Variants in NEK10 observed in about 807,000 individuals in gnomAD.
NEK10 encodes the protein serine/threonine-protein kinase Nek10.
Under a neutral mutation model 159.8 loss-of-function variants are expected in NEK10, and 122 were observed. The observed-to-expected ratio is 0.76, with a 90% CI of 0.66 to 0.89. The LOEUF (loss-of-function observed/expected upper bound fraction) is 0.89, where lower values mean the gene tolerates loss of function less well. Among genes scored for constraint, NEK10 ranks in the 40% least tolerant of loss-of-function variants. The pLI is 0.00. For missense variants in NEK10, 1,342 were observed against 1,323.1 expected, an observed-to-expected ratio of 1.01 and a Z score of -0.22; for synonymous variants, 466 against 457.1, an observed-to-expected ratio of 1.02 and a Z score of -0.25.
intron 23 of NEK10, among the ~76,000 whole-genome samples, chr3:27,228,411 T>A (rs569899748): frequency 6.6e-6 from 1 of 152,288 alleles, no homozygotes; most frequent in East Asian, 1.9e-4. Flanking sequence ...TGGCCCTATT[T>A]TCTCAGTGGT....
At position 27,109,094 on chromosome 3, in the gene NEK10, A is replaced by C. The variant is rs540236879; in HGVS notation, c.*2178T>G. ...CCTATCACCTAAAAGAGTTACATGC[A>C]ATGGCTGGGCACAGTGGCTCACGCC... On this transcript the variant is annotated 3_prime_UTR_variant, in exon 36 of 36. Coordinates refer to ENST00000691995, the MANE Select transcript of NEK10 (RefSeq NM_001394966.1). Among the ~76,000 whole-genome samples the C allele has an allele frequency of 2.2e-4, 33 of 152,178 alleles. No homozygotes were observed. Among genetic ancestry groups the C allele is most frequent in the Non-Finnish European group, 3.8e-4 (26 of 68,018 alleles).
intron 26 of NEK10, among the ~76,000 whole-genome samples, chr3:27,184,473 G>A (rs1314821829): frequency 1.3e-5 from 2 of 152,202 alleles, no homozygotes; most frequent in African/African-American, 4.8e-5. Flanking sequence ...TCTAACTCTT[G>A]TTTGGGGTGG....
Position 27,109,550 on chromosome 3 carries a change from C to T in NEK10, c.*1722G>A, listed in dbSNP as rs926990286. On this transcript the variant is annotated 3_prime_UTR_variant, in exon 36 of 36. Coordinates refer to ENST00000691995, the MANE Select transcript of NEK10 (RefSeq NM_001394966.1). ...CTAAATTCTGTTTACTATATACTAC[C>T]ATTTGGGAAATAACTTGATTTCAAA... Among the ~76,000 whole-genome samples, 4 of 152,240 alleles carry T rather than the reference C, an allele frequency of 2.6e-5. No individual in the cohort carries two copies. Among genetic ancestry groups the T allele is most frequent in the Admixed American group, 1.3e-4 (2 of 15,288 alleles).
chr3:27,215,127 A>T (rs984137729), intron 23 of NEK10: 2 of 390,188 alleles, frequency 5.1e-6, no homozygotes, highest in African/African-American at 4.1e-5. Context: ...GAAAACTTCC[A>T]TAGTTTCGGC....
intron 22 of NEK10, among the ~76,000 whole-genome samples, chr3:27,262,866 T>G (rs1479374227): frequency 6.6e-6 from 1 of 152,234 alleles, no homozygotes; most frequent in African/African-American, 2.4e-5. Context: ...TTTGTTCCAT[T>G]GCTGGTGAGG....
chr3:27,240,198 T>A (rs7626869), intron 23 of NEK10, among the ~76,000 whole-genome samples: 39,155 of 152,094 alleles, frequency 0.26, 5,201 homozygotes, highest in Middle Eastern at 0.38. Flanking sequence ...TCAAATGATT[T>A]TCCAGCATTG....
intron 32 of NEK10, among the ~76,000 whole-genome samples, chr3:27,129,893 T>A (rs1473970596): frequency 1.3e-5 from 2 of 152,106 alleles, no homozygotes; most frequent in African/African-American, 2.4e-5. Flanking sequence ...AGAAAGGTTT[T>A]TTTTTTTTGT....
intron 13 of NEK10, among the ~76,000 whole-genome samples, chr3:27,300,872 G>A (rs1292019127): frequency 6.6e-6 from 1 of 152,178 alleles, no homozygotes; most frequent in Non-Finnish European, 1.5e-5. Context: ...GAGCTCCTAT[G>A]TCCTTGTTTT....
At chr3:27,210,730 C>G (rs924991828) in intron 23 of NEK10, among the ~76,000 whole-genome samples, 1 of 152,182 alleles carries the variant, frequency 6.6e-6, no homozygotes, top group Non-Finnish European at 1.5e-5. Flanking sequence ...ATCAATCTGT[C>G]TATTATGCAT....
At chr3:27,179,973 C>G (rs181640917) in intron 26 of NEK10, among the ~76,000 whole-genome samples, 1 of 151,838 alleles carries the variant, frequency 6.6e-6, no homozygotes, top group Non-Finnish European at 1.5e-5. Context: ...CCCAGGTACT[C>G]GCAAGGCTGA....
intron 5 of NEK10, among the ~76,000 whole-genome samples, chr3:27,336,593 C>A (rs2046818395): frequency 6.6e-6 from 1 of 152,058 alleles, no homozygotes; most frequent in Non-Finnish European, 1.5e-5. Context: ...ATGTAAAAAT[C>A]CTCAACAAAG....
chr3:27,284,084 A>G (rs1298745003), intron 22 of NEK10, among the ~76,000 whole-genome samples: 1 of 152,194 alleles, frequency 6.6e-6, no homozygotes, highest in African/African-American at 2.4e-5. Flanking sequence ...GGATGTCTAA[A>G]TTAAAATTTA....
At chr3:27,180,188 G>T (rs1947929824) in intron 26 of NEK10, among the ~76,000 whole-genome samples, 1 of 152,086 alleles carries the variant, frequency 6.6e-6, no homozygotes, top group Non-Finnish European at 1.5e-5. Context: ...TTGAGGTCAG[G>T]AGTTTGAGAC....
intron 25 of NEK10, among the ~76,000 whole-genome samples, chr3:27,197,845 G>A (rs551447238): frequency 7.1e-4 from 107 of 149,904 alleles, no homozygotes; most frequent in Admixed American, 6.9e-3. Flanking sequence ...TGTGCACAAC[G>A]TGCAGGTTAG....
chr3:27,300,081 C>A (rs192160412), intron 13 of NEK10, among the ~76,000 whole-genome samples: 8 of 152,062 alleles, frequency 5.3e-5, no homozygotes, highest in Middle Eastern at 3.4e-3. Context: ...TTGGGAGGGG[C>A]CGGGAGCAAA....
chr3:27,151,098 T>C lies in NEK10; in HGVS notation c.2870-9516A>G, dbSNP rs148284316. Among the ~76,000 whole-genome samples, 346 of 151,898 alleles carry C rather than the reference T, an allele frequency of 2.3e-3. 2 individuals carry two copies. Among genetic ancestry groups the C allele is most frequent in the Non-Finnish European group, 3.8e-3 (259 of 67,994 alleles). ...CTGGTAGCGGAAGACAAAGGACGTA[T>C]AATCTTGGGAGTTCTAAGGCCTCAC... On this transcript the variant is annotated intron_variant, in intron 30 of 35. Transcript: ENST00000691995.
intron 1 of NEK10, among the ~76,000 whole-genome samples, chr3:27,356,535 C>G (rs902694534): frequency 5.3e-5 from 8 of 152,198 alleles, no homozygotes; most frequent in Admixed American, 1.3e-4. Context: ...TAAATAAATA[C>G]CCCAGTCTGT....
At chr3:27,364,390 GTGTGTGTGTGTGTGTA>G (rs1459649468) in intron 1 of NEK10, among the ~76,000 whole-genome samples, 1 of 132,940 alleles carries the variant, frequency 7.5e-6, no homozygotes, top group African/African-American at 3.4e-5. Context: ...GTGTGTGTGT[GTGTGTGTGTGTGTGTA>G]TAGTAGAGAC....
chr3:27,207,766 GAACT>G (rs1485622527), intron 23 of NEK10, among the ~76,000 whole-genome samples: 3 of 151,994 alleles, frequency 2.0e-5, no homozygotes, highest in African/African-American at 7.3e-5. Flanking sequence ...AGGAGAAAGA[GAACT>G]AACTTATCAC....
Sources: allele counts gnomAD v4.1 joint callset (sites outside exome capture counted in the v4.1 genomes callset), GRCh38; gene constraint gnomAD v4.1.1; transcripts MANE v1.5; gene names NCBI Gene and HGNC (gene_info 2026-07-23, HGNC 2026-07-21).